The following SRSF11 variants were observed in gnomAD, a reference collection of about 807,000 sequenced individuals.
SRSF11 encodes serine/arginine-rich splicing factor 11.
A neutral mutation model predicts 56.0 loss-of-function variants in SRSF11; 9 were observed. That is an observed-to-expected ratio of 0.16 (90% CI 0.10 to 0.28). The LOEUF (loss-of-function observed/expected upper bound fraction) is 0.28, where lower values mean the gene tolerates loss of function less well. Among genes scored for constraint, SRSF11 ranks in the 10% least tolerant of loss-of-function variants. The pLI is 1.00. For synonymous variants in SRSF11, 222 were observed against 215.3 expected (o/e 1.03, Z -0.27); for missense variants, 421 against 600.7 (o/e 0.70, Z 3.13).
Position 70,253,042 on chromosome 1 carries a change from T to C in SRSF11, c.*2237T>C, listed in dbSNP as rs1325810684. 6.6e-6 allele frequency: 1 copy of C among 152,222 alleles called. No individual in the cohort carries two copies. Among genetic ancestry groups the C allele is most frequent in the Non-Finnish European group, 1.5e-5 (1 of 68,026 alleles). 9.4% of individuals were successfully genotyped at this position (152,222 alleles called of 1,614,324 possible). A position where few individuals can be genotyped will look rare whatever the true frequency, so the allele number is the denominator to read the frequency against. On this transcript the variant is annotated 3_prime_UTR_variant, in exon 12 of 12. Coordinates refer to ENST00000370949, the MANE Select transcript of SRSF11 (RefSeq NM_001350605.2). ...TTGATTTAAAAATAAAAGTGGTTTT[T>C]GTTAGAAAAATGTTTTGTCCTTATT...
intron 2 of SRSF11, chr1:70,230,651 G>A: frequency 1.6e-6 from 2 of 1,251,842 alleles, no homozygotes; most frequent in Non-Finnish European, 2.0e-6. Context: ...TTAAATTGTA[G>A]TTTTATTTTT....
At chr1:70,245,350 A>G (rs562286115) in intron 8 of SRSF11, among the ~76,000 whole-genome samples, 11 of 152,352 alleles carry the variant, frequency 7.2e-5, no homozygotes, top group East Asian at 1.9e-4. Flanking sequence ...AGCTGGGGAC[A>G]CAACATAACT....
At chr1:70,237,597 A>G (rs1674401449) in intron 6 of SRSF11, 45 bp downstream of exon 6, 3 of 1,599,502 alleles carry the variant, frequency 1.9e-6, no homozygotes, top group Non-Finnish European at 2.6e-6. Flanking sequence ...CTTAGCAAAA[A>G]TGATTTTGAC....
intron 7 of SRSF11, among the ~76,000 whole-genome samples, chr1:70,244,003 A>G (rs1676157033): frequency 6.6e-6 from 1 of 152,210 alleles, no homozygotes; most frequent in Non-Finnish European, 1.5e-5. Flanking sequence ...GGCTCGGTGC[A>G]GGGAGTAGAG....
intron 5 of SRSF11, among the ~76,000 whole-genome samples, chr1:70,237,008 C>T (rs994897366): frequency 1.3e-5 from 2 of 151,792 alleles, no homozygotes; most frequent in African/African-American, 4.8e-5. Flanking sequence ...AGTATGATCT[C>T]GATCTCCTGA....
chr1:70,231,365 T>C, intron 2 of SRSF11: 1 of 1,058,708 alleles, frequency 9.4e-7, no homozygotes, highest in Non-Finnish European at 1.1e-6. Context: ...TTGGATAGAA[T>C]TTAAATTGTC....
intron 1 of SRSF11, 61 bp downstream of exon 1, chr1:70,221,900 A>G (rs1340447524): frequency 3.8e-6 from 6 of 1,598,714 alleles, no homozygotes; most frequent in Admixed American, 3.4e-5. Flanking sequence ...CCTAACACAC[A>G]CAATTTCCTT....
rs988414892 is a variant in SRSF11 at position 70,229,104 on chromosome 1, G to A, written c.337+549G>A. ...AGCTTAGGTGCCAAATGGGCACTGGGTGTTTTATTTTATGCCAGATTTTCT... is the reference window on the plus strand; with the variant it reads ...AGCTTAGGTGCCAAATGGGCACTGGATGTTTTATTTTATGCCAGATTTTCT... On this transcript the variant is annotated intron_variant, in intron 2 of 11. Coordinates refer to ENST00000370949, the MANE Select transcript of SRSF11 (RefSeq NM_001350605.2). 1.0e-5 allele frequency: 12 copies of A among 1,185,778 alleles called. No homozygotes were observed. The African/African-American group carries it at 1.9e-4, about 19-fold the overall frequency. 73.5% of individuals were successfully genotyped at this position (1,185,778 alleles called of 1,614,324 possible). A position where few individuals can be genotyped will look rare whatever the true frequency, so the allele number is the denominator to read the frequency against.
At chr1:70,209,352 ATTTG>A (rs1409244109) in intron 1 of SRSF11, among the ~76,000 whole-genome samples, 1 of 152,196 alleles carries the variant, frequency 6.6e-6, no homozygotes, top group Non-Finnish European at 1.5e-5. Context: ...AGCAAAGTGT[ATTTG>A]TTTTGCAGAC....
chr1:70,219,926 G>A (rs570387077), upstream of SRSF11, among the ~76,000 whole-genome samples: 199 of 152,344 alleles, frequency 1.3e-3, no homozygotes, highest in African/African-American at 4.7e-3. Context: ...TAGATACTCT[G>A]TAAGGCTTCA....
intron 1 of SRSF11, among the ~76,000 whole-genome samples, chr1:70,207,404 C>T (rs1276259906): frequency 2.0e-5 from 3 of 152,122 alleles, no homozygotes; most frequent in Non-Finnish European, 2.9e-5. Flanking sequence ...GAAACTTACC[C>T]AACCTCACAA....
chr1:70,247,043 T>TA (rs1344449665), intron 9 of SRSF11, 136 bp downstream of exon 9: 12 of 1,116,618 alleles, frequency 1.1e-5, no homozygotes, highest in Non-Finnish European at 1.3e-5. Flanking sequence ...TGCTGTTATT[T>TA]AAAGTTTTTA....
intron 1 of SRSF11, among the ~76,000 whole-genome samples, chr1:70,212,784 G>A (rs1041358570): frequency 1.3e-5 from 2 of 152,290 alleles, no homozygotes; most frequent in Non-Finnish European, 1.5e-5. Context: ...GAAAAGATGA[G>A]GAAAGCCAAG....
At chr1:70,248,028 T>TA (rs1462726721) in intron 9 of SRSF11, among the ~76,000 whole-genome samples, 2 of 152,078 alleles carry the variant, frequency 1.3e-5, no homozygotes, top group African/African-American at 4.8e-5. Flanking sequence ...TGACAGATGA[T>TA]AGTAAGTGTT....
At position 70,235,666 on chromosome 1, in the gene SRSF11, A is replaced by G. The variant is rs148313725; in HGVS notation, c.590+116A>G. 55 of 972,808 alleles carry G rather than the reference A, an allele frequency of 5.7e-5. No individual in the cohort carries two copies. The African/African-American group carries it at 6.9e-4, about 12-fold the overall frequency. 60.3% of individuals were successfully genotyped at this position (972,808 alleles called of 1,614,324 possible). ...AAGTTATCTTTTCTCAAGACAAGCA[A>G]TATGTATTGTTACCTAGAAACAAGG... On this transcript the variant is annotated intron_variant, in intron 5 of 11. Transcript: ENST00000370949.
rs1296871197 is a variant in SRSF11 at position 70,250,917 on chromosome 1, T to C, written c.*112T>C. 2.3e-6 allele frequency: 2 copies of C among 861,794 alleles called. No homozygotes were observed. The highest frequency in any genetic ancestry group is 5.2e-5 in the Admixed American group (2 of 38,750). 53.4% of individuals were successfully genotyped at this position (861,794 alleles called of 1,614,324 possible). A position where few individuals can be genotyped will look rare whatever the true frequency, so the allele number is the denominator to read the frequency against. On this transcript the variant is annotated 3_prime_UTR_variant, in exon 12 of 12. Coordinates refer to ENST00000370949, the MANE Select transcript of SRSF11 (RefSeq NM_001350605.2). ...AACCTAGATGTATACAGCTCTGAGTTATAAATGGTTATAAAGCTCCTGTTA... is the reference window on the plus strand; with the variant it reads ...AACCTAGATGTATACAGCTCTGAGTCATAAATGGTTATAAAGCTCCTGTTA...
intron 1 of SRSF11, among the ~76,000 whole-genome samples, chr1:70,215,060 G>A (rs866943305): frequency 2.9e-4 from 44 of 152,114 alleles, no homozygotes; most frequent in African/African-American, 8.9e-4. Context: ...ACCACGCCCA[G>A]CTAGTTTTTG....
chr1:70,230,440 A>G, intron 2 of SRSF11: 1 of 1,182,628 alleles, frequency 8.5e-7, no homozygotes, highest in Non-Finnish European at 1.1e-6. Flanking sequence ...AAACTAAGAT[A>G]GCTGAATTTG....
chr1:70,231,630 T>C, intron 2 of SRSF11: 1 of 1,174,242 alleles, frequency 8.5e-7, no homozygotes, highest in Non-Finnish European at 1.1e-6. Context: ...GCACACATCC[T>C]GTGTGTATTC....
Sources: gnomAD v4.1 joint callset for allele counts (sites outside exome capture counted in the v4.1 genomes callset) on GRCh38, gnomAD v4.1.1 for gene constraint, MANE v1.5 for transcripts, NCBI Gene and HGNC (gene_info 2026-07-23, HGNC 2026-07-21) for gene names.